GCN1: variants seen among roughly 807,000 people sequenced by gnomAD.
GCN1 encodes GCN1 activator of EIF2AK4.
A neutral mutation model predicts 288.4 loss-of-function variants in GCN1; 90 were observed. The observed-to-expected ratio is 0.31, with a 90% CI of 0.26 to 0.37. The LOEUF is 0.37. Among genes scored for constraint, GCN1 ranks in the 10% least tolerant of loss-of-function variants. GCN1 has a pLI of 1.00. For missense variants in GCN1, 2,586 were observed against 3,419.9 expected (o/e 0.76, Z 6.08); for synonymous variants, 1,386 against 1,420.2 (o/e 0.98, Z 0.54).
intron 22 of GCN1, 51 bp downstream of exon 22, chr12:120,161,439 G>C (rs1026529231): frequency 8.1e-7 from 1 of 1,238,414 alleles, no homozygotes; most frequent in African/African-American, 1.5e-5. Context: ...CCACCAGCTT[G>C]AGGCCACCAA....
At chr12:120,145,182 G>T in intron 39 of GCN1, 80 bp downstream of exon 39, 2 of 1,553,286 alleles carry the variant, frequency 1.3e-6, no homozygotes, top group Admixed American at 3.5e-5. Flanking sequence ...CACAAAAGCA[G>T]CTTTGGGGAA....
In GCN1 at chr12:120,142,423, T is replaced by C; in HGVS notation, c.5829+84A>G. On this transcript the variant is annotated intron_variant, in intron 44 of 57. Transcript: ENST00000300648. The surrounding 1 kb of genome is among the most constrained non-coding windows in gnomAD (Gnocchi z 4.9). ...TGTTAGGCAGGGTGGATGGGTACTT[T>C]CCCAGGCTCTGCAGACCCAGCCTTC... is the stretch of plus-strand genomic sequence containing the variant. 1 of 947,898 alleles carries C rather than the reference T, an allele frequency of 1.1e-6. No individual in the cohort carries two copies. The highest frequency in any genetic ancestry group is 1.7e-6 in the Non-Finnish European group (1 of 582,658). The allele number at this position is 947,898 out of a possible 1,614,324, so 58.7% of individuals were successfully genotyped here.
intron 1 of GCN1, 118 bp downstream of exon 1, chr12:120,194,562 G>T: frequency 2.1e-6 from 2 of 968,182 alleles, no homozygotes; most frequent in South Asian, 1.5e-5. Context: ...CCGAGACTAC[G>T]ACCTCCACAG....
intron 38 of GCN1, 141 bp from the exon 39 acceptor site, chr12:120,145,471 C>G (rs138478761): frequency 1.7e-6 from 1 of 595,992 alleles, no homozygotes; most frequent in Non-Finnish European, 2.9e-6. Context: ...TCACTGCCCA[C>G]GGAACAGGGA....
intron 5 of GCN1, among the ~76,000 whole-genome samples, chr12:120,181,615 G>C (rs931781204): frequency 3.3e-5 from 5 of 151,674 alleles, no homozygotes; most frequent in Admixed American, 6.6e-5. Flanking sequence ...CGAGGCGGGC[G>C]GATCACCTGA....
rs750504760 is a variant in GCN1, at chr12:120,164,408, C to G, written c.1776G>C (p.Leu592=). Residue 592 remains leucine, a synonymous_variant, in exon 18 of 58, where the codon CTG becomes CTC. Coordinates refer to ENST00000300648, the MANE Select transcript of GCN1 (RefSeq NM_006836.2). The stretch of plus-strand genomic sequence containing the variant: ...CCAGCTTAAAGCCCCCAAGAGAGGA[C>G]AGCAGCTTCCGAACTGTCTGCTGAG... ...RQAQQTVRKL[L]SSLGGFKLAH... 1 of 1,614,194 alleles carries G rather than the reference C, an allele frequency of 6.2e-7. No individual in the cohort carries two copies. Among genetic ancestry groups the G allele is most frequent in the South Asian group, 1.1e-5 (1 of 91,084 alleles).
rs1877626321 is a variant in GCN1, at chr12:120,153,233, G to A, written c.4042C>T (p.Leu1348Phe). 1 of 1,614,044 alleles carries A rather than the reference G, an allele frequency of 6.2e-7. No individual in the cohort carries two copies. The highest frequency in any genetic ancestry group is 1.1e-5 in the South Asian group (1 of 91,082). ...KPIVAKLIAA[L>F]STPSQQVQES... ...GGTACCTGCTGGGAGGGGGTGGAGA[G>A]GGCAGCGATGAGCTTGGCAACAATG... The change falls in exon 33 of 58, where the codon CTC (leucine) becomes TTC (phenylalanine). Residue 1348 changes from leucine to phenylalanine, a missense_variant. This residue lies in a region of GCN1 where 332 missense variants were observed against 403.0 expected (regional missense o/e 0.82). Transcript: ENST00000300648. This position sits in a 1 kb window ranked among gnomAD's most constrained non-coding sequence, Gnocchi z 4.4.
At position 120,163,228 on chromosome 12, in the gene GCN1, G is replaced by A. The variant is rs1481094511; in HGVS notation, c.1880C>T (p.Ala627Val). The A allele has an allele frequency of 5.0e-6, 8 of 1,614,040 alleles. No homozygotes were observed. Among genetic ancestry groups the A allele is most frequent in the Non-Finnish European group, 6.8e-6 (8 of 1,179,930 alleles). The change falls in exon 19 of 58, where the codon GCT becomes GTT. Residue 627 changes from alanine to valine, a missense_variant. By Grantham distance (64) the Ala-to-Val change is moderately conservative. This residue lies in a region of GCN1 where 913 missense variants were observed against 1,107.0 expected (regional missense o/e 0.82). Transcript: ENST00000300648. ...CTTGCCTGCCTCAGTCACCTCTCCA[G>A]CATCAGTCACCAAAGCCTCTAAGGG... The part of the protein sequence containing the change: ...VLPLEALVTD[A>V]GEVTEAGKAY...
In GCN1 at chr12:120,185,291, G is replaced by A. The variant is rs755824967; in HGVS notation, c.122-404C>T. 5.1e-4 allele frequency among the ~76,000 whole-genome samples: 78 copies of A among 152,156 alleles called. 1 individual carries two copies. Among genetic ancestry groups the A allele is most frequent in the Admixed American group, 4.8e-3 (74 of 15,272 alleles). On this transcript the variant is annotated intron_variant, in intron 2 of 57. Coordinates refer to ENST00000300648, the MANE Select transcript of GCN1 (RefSeq NM_006836.2). ...ATTCTAATAAACGGTTTAAAAAACA[G>A]TGCAACACTGAAGTACTATGAGGGA...
In GCN1 at chr12:120,144,367, C is replaced by T. The variant is rs914125100; in HGVS notation, c.5434G>A (p.Ala1812Thr). ...AGCTGGGGCAGCAGCAGGGCGATGG[C>T]TGTCTCAGCGTACATGGAGATAACC... ...QRVISMYAET[A>T]IALLLPQLEQ... is the part of the protein sequence containing the mutation. The change falls in exon 42 of 58, where the codon GCC (alanine) becomes ACC (threonine). Residue 1812 changes from alanine to threonine, a missense_variant. By Grantham distance (58) the Ala-to-Thr change is moderately conservative (BLOSUM62 0). Transcript: ENST00000300648. The surrounding 1 kb of genome is among the most constrained non-coding windows in gnomAD (Gnocchi z 4.7). 1 of 1,614,114 alleles carries T rather than the reference C, an allele frequency of 6.2e-7. No individual in the cohort carries two copies. The highest frequency in any genetic ancestry group is 1.3e-5 in the African/African-American group (1 of 74,950).
At chr12:120,147,733 A>C (rs1181003710) in intron 37 of GCN1, among the ~76,000 whole-genome samples, 4 of 152,218 alleles carry the variant, frequency 2.6e-5, no homozygotes, top group Non-Finnish European at 4.4e-5. Context: ...CTTAGAATTT[A>C]ACAAGTGACA....
At position 120,151,350 on chromosome 12, in the gene GCN1, T is replaced by C. The variant is rs1276974599; in HGVS notation, c.4104A>G (p.Pro1368=). 1.3e-5 allele frequency: 21 copies of C among 1,613,858 alleles called. No individual in the cohort carries two copies. Among genetic ancestry groups the C allele is most frequent in the Non-Finnish European group, 1.8e-5 (21 of 1,179,846 alleles). ...TCCCTCCAGCATCCTCCTTGATGGC[T>C]GGCACAAGGGGTGGCAAGCAGCTGG... The part of the protein sequence containing the change: ...SVASCLPPLV[P]AIKEDAGGMI... Residue 1368 remains proline, a synonymous_variant, in exon 34 of 58, where the codon CCA becomes CCG. Transcript: ENST00000300648.
Position 120,138,403 on chromosome 12 carries a change from C to T in GCN1, c.6169G>A (p.Val2057Met), listed in dbSNP as rs775412500. The change falls in exon 47 of 58, where the codon GTG becomes ATG. Residue 2057 changes from valine (V) to methionine (M), a missense_variant. By Grantham distance (21) the Val-to-Met change is conservative. This residue lies in a region of GCN1 where 437 missense variants were observed against 570.5 expected (regional missense o/e 0.77). Coordinates refer to ENST00000300648, the MANE Select transcript of GCN1 (RefSeq NM_006836.2). ...AGACCATCCAAGGCAAACTCTGACA[C>T]CTCCTCGTCATCCTGCAGAGGGTGT... ...FLLKQLDDEE[V>M]SEFALDGLKQ... 6.2e-7 allele frequency: 1 copy of T among 1,604,608 alleles called. No individual in the cohort carries two copies. The highest frequency in any genetic ancestry group is 8.5e-7 in the Non-Finnish European group (1 of 1,171,302).
At chr12:120,180,169 G>A (rs1379865792) in intron 5 of GCN1, among the ~76,000 whole-genome samples, 1 of 152,156 alleles carries the variant, frequency 6.6e-6, no homozygotes, top group Non-Finnish European at 1.5e-5. Context: ...AGCTGGGTGT[G>A]GTGGCGCATG....
At chr12:120,141,186 G>C (rs139657781) in intron 44 of GCN1, among the ~76,000 whole-genome samples, 163 bp from the exon 45 acceptor site, 71 of 152,174 alleles carry the variant, frequency 4.7e-4, no homozygotes, top group African/African-American at 1.5e-3. Flanking sequence ...AATACTCTCT[G>C]TAGTGCTTGC....
In GCN1 at chr12:120,129,416, G is replaced by C. The variant is rs1268426261; in HGVS notation, c.7750C>G (p.Pro2584Ala). The C allele has an allele frequency of 3.1e-6, 5 of 1,613,914 alleles. No individual in the cohort carries two copies. Among genetic ancestry groups the C allele is most frequent in the Non-Finnish European group, 4.2e-6 (5 of 1,179,780 alleles). The change falls in exon 57 of 58, where the codon CCC becomes GCC. Residue 2584 changes from proline (P) to alanine (A), a missense_variant. By Grantham distance (27) the Pro-to-Ala change is conservative (BLOSUM62 -1). Around this residue, in one of 8 missense-constraint regions of GCN1, gnomAD observed 355 missense variants for 431.1 expected, o/e 0.82. Coordinates refer to ENST00000300648, the MANE Select transcript of GCN1 (RefSeq NM_006836.2). Reference protein sequence around the residue: ...IWWANKDPLPPLDPQAIKPIL... With the variant: ...IWWANKDPLPALDPQAIKPIL... ...GGCTTGATGGCCTGGGGGTCCAGGGGAGGCAGTGGGTCCTTATTTGCCCAC... is the reference window on the plus strand; with the variant it reads ...GGCTTGATGGCCTGGGGGTCCAGGGCAGGCAGTGGGTCCTTATTTGCCCAC...
intron 20 of GCN1, 29 bp from the exon 21 acceptor site, chr12:120,162,087 G>A: frequency 6.2e-7 from 1 of 1,603,066 alleles, no homozygotes; most frequent in Non-Finnish European, 8.5e-7. Context: ...CATGGTCAGT[G>A]TGTGCCAAGG....
At chr12:120,154,108 A>G (rs1877662499) in intron 31 of GCN1, among the ~76,000 whole-genome samples, 199 bp from the exon 32 acceptor site, 1 of 152,220 alleles carries the variant, frequency 6.6e-6, no homozygotes, top group South Asian at 2.1e-4. Flanking sequence ...GAGACTTGCC[A>G]TCTGCCCTGA....
chr12:120,183,614 G>T lies in GCN1; in HGVS notation c.381C>A (p.Val127=). The change falls in exon 5 of 58, where the codon GTC becomes GTA. Residue 127 remains valine (V), a synonymous_variant. Transcript: ENST00000300648. The part of the protein sequence containing the change: ...LTWTCLLVRI[V]FPSRAKRQGD... ...CTTGTCGCTTGGCTCTCGATGGAAA[G>T]ACAATGCGCACCAGGAGGCAGGTCC... The T allele has an allele frequency of 6.2e-7, 1 of 1,613,788 alleles. No homozygotes were observed. Among genetic ancestry groups the T allele is most frequent in the Non-Finnish European group, 8.5e-7 (1 of 1,179,686 alleles).
Sources: allele counts gnomAD v4.1 joint callset (sites outside exome capture counted in the v4.1 genomes callset), GRCh38; gene constraint gnomAD v4.1.1; regional missense constraint gnomAD v4.1.1; non-coding constraint Gnocchi (gnomAD v3.1); transcripts MANE v1.5; gene names NCBI Gene and HGNC (gene_info 2026-07-23, HGNC 2026-07-21).